The following SEMA5A variants were observed in gnomAD, a reference collection of about 807,000 sequenced individuals.
SEMA5A encodes the protein semaphorin-5A.
In SEMA5A, 55 loss-of-function variants were observed where a neutral mutation model predicts 135.5. The observed-to-expected ratio is 0.41, with a 90% CI of 0.33 to 0.51. The LOEUF (loss-of-function observed/expected upper bound fraction) is 0.51, where lower values mean the gene tolerates loss of function less well. SEMA5A is among the 20% of genes least tolerant of loss of function. SEMA5A has a pLI of 0.37. For synonymous variants in SEMA5A, 580 were observed against 546.5 expected, an observed-to-expected ratio of 1.06 and a Z score of -0.85; for missense variants, 1,290 against 1,419.9, an observed-to-expected ratio of 0.91 and a Z score of 1.47.
chr5:9,055,298 T>C (rs973006131), intron 18 of SEMA5A, among the ~76,000 whole-genome samples: 2 of 152,206 alleles, frequency 1.3e-5, no homozygotes, highest in South Asian at 2.1e-4. Context: ...CTACAGGACG[T>C]TGTCAAACAA....
At chr5:9,374,372 C>G (rs1755270403) in intron 3 of SEMA5A, among the ~76,000 whole-genome samples, 1 of 152,122 alleles carries the variant, frequency 6.6e-6, no homozygotes, top group Admixed American at 6.5e-5. Flanking sequence ...CCATCCAGTC[C>G]TTCATCAGTA....
chr5:9,142,617 G>A (rs1219646393), intron 12 of SEMA5A, among the ~76,000 whole-genome samples: 1 of 152,064 alleles, frequency 6.6e-6, no homozygotes, highest in Non-Finnish European at 1.5e-5. Flanking sequence ...CCATTCCTAA[G>A]TACCATGTTA....
At chr5:9,479,550 G>T (rs1348630135) in intron 1 of SEMA5A, among the ~76,000 whole-genome samples, 1 of 152,174 alleles carries the variant, frequency 6.6e-6, no homozygotes, top group African/African-American at 2.4e-5. Flanking sequence ...TACCCTGTAG[G>T]AATGTTGTGT....
chr5:9,309,974 C>G (rs1346410183), intron 5 of SEMA5A, among the ~76,000 whole-genome samples: 1 of 60,128 alleles, frequency 1.7e-5, no homozygotes, highest in Non-Finnish European at 4.6e-5. Flanking sequence ...TCAAGATCAA[C>G]TGGGGATCAT....
chr5:9,530,875 C>T (rs963817186), intron 1 of SEMA5A, among the ~76,000 whole-genome samples: 1 of 152,084 alleles, frequency 6.6e-6, no homozygotes, highest in Admixed American at 6.6e-5. Context: ...GGGAGAGAGG[C>T]GAGAATGTGC....
intron 13 of SEMA5A, among the ~76,000 whole-genome samples, chr5:9,128,937 G>T (rs1741258622): frequency 6.6e-6 from 1 of 152,160 alleles, no homozygotes; most frequent in Admixed American, 6.5e-5. Context: ...ACCCCCAGAT[G>T]TGACAACCCA....
intron 5 of SEMA5A, among the ~76,000 whole-genome samples, chr5:9,238,804 T>A (rs557502503): frequency 6.6e-6 from 1 of 152,222 alleles, no homozygotes; most frequent in South Asian, 2.1e-4. Flanking sequence ...ATTTTCTATT[T>A]TACTATTAAA....
chr5:9,106,075 T>C (rs1254441371), intron 16 of SEMA5A, among the ~76,000 whole-genome samples: 1 of 151,948 alleles, frequency 6.6e-6, no homozygotes, highest in Non-Finnish European at 1.5e-5. Flanking sequence ...AGAAGAAAAA[T>C]ATACTCCTAC....
At chr5:9,213,051 G>C (rs1286196386) in intron 8 of SEMA5A, among the ~76,000 whole-genome samples, 1 of 152,178 alleles carries the variant, frequency 6.6e-6, no homozygotes, top group Non-Finnish European at 1.5e-5. Flanking sequence ...CCTTCTCACT[G>C]TGTCCTCACA....
intron 1 of SEMA5A, among the ~76,000 whole-genome samples, chr5:9,473,993 C>T (rs1182409725): frequency 1.3e-5 from 2 of 152,098 alleles, no homozygotes; most frequent in Non-Finnish European, 2.9e-5. Flanking sequence ...GAATGGAATG[C>T]CCACTCCACA....
chr5:9,331,757 T>G (rs1753142617), intron 4 of SEMA5A, among the ~76,000 whole-genome samples: 1 of 152,244 alleles, frequency 6.6e-6, no homozygotes, highest in Non-Finnish European at 1.5e-5. Context: ...TTGTTAAAAT[T>G]TTAATGCACC....
intron 1 of SEMA5A, among the ~76,000 whole-genome samples, chr5:9,500,763 G>T (rs1297380143): frequency 1.3e-5 from 2 of 152,148 alleles, no homozygotes; most frequent in Non-Finnish European, 2.9e-5. Context: ...TTCAGGTTGT[G>T]GTCTGTGCCT....
intron 4 of SEMA5A, 133 bp from the exon 5 acceptor site, chr5:9,318,550 C>A: frequency 1.5e-6 from 1 of 686,476 alleles, no homozygotes; most frequent in South Asian, 2.0e-5. Context: ...ATATGTTCAG[C>A]ACTACTTTCC....
At chr5:9,124,996 G>A (rs966067904) in intron 13 of SEMA5A, among the ~76,000 whole-genome samples, 1 of 152,090 alleles carries the variant, frequency 6.6e-6, no homozygotes, top group Admixed American at 6.5e-5. Flanking sequence ...ATTCTCTTCG[G>A]GTTACAAACT....
intron 11 of SEMA5A, among the ~76,000 whole-genome samples, chr5:9,173,003 G>A (rs1391657898): frequency 6.6e-6 from 1 of 152,168 alleles, no homozygotes; most frequent in Admixed American, 6.5e-5. Flanking sequence ...CCAGAATCTG[G>A]TGATAAGTGT....
chr5:9,345,155 GA>G (rs1304472664), intron 3 of SEMA5A, among the ~76,000 whole-genome samples: 1 of 152,172 alleles, frequency 6.6e-6, no homozygotes, highest in Non-Finnish European at 1.5e-5. Flanking sequence ...CCCTGTTTCA[GA>G]AAGGTAGTGG....
chr5:9,093,525 G>A (rs1347537671), intron 16 of SEMA5A, among the ~76,000 whole-genome samples: 10 of 151,936 alleles, frequency 6.6e-5, no homozygotes, highest in African/African-American at 2.4e-4. Context: ...TGACGAATAT[G>A]GTGAAACCCC....
intron 2 of SEMA5A, among the ~76,000 whole-genome samples, chr5:9,395,765 G>A (rs140319895): frequency 6.6e-6 from 1 of 152,310 alleles, no homozygotes; most frequent in East Asian, 1.9e-4. Context: ...TTCTGGTTGA[G>A]TGAGTAGATG....
Position 9,123,253 on chromosome 5 carries a change from C to T in SEMA5A, c.1600-416G>A, listed in dbSNP as rs571223201. ...CAGCCTGAGGGAAGGAGCGAGACTCCGCCTCAAAAAAAAAAAAAAAAAAAA... is the reference window on the plus strand; with the variant it reads ...CAGCCTGAGGGAAGGAGCGAGACTCTGCCTCAAAAAAAAAAAAAAAAAAAA... On this transcript the variant is annotated intron_variant, in intron 13 of 22. Coordinates refer to ENST00000382496, the MANE Select transcript of SEMA5A (RefSeq NM_003966.3). Among the ~76,000 whole-genome samples the T allele has an allele frequency of 6.5e-3, 467 of 71,866 alleles. 3 individuals carry two copies. The highest frequency in any genetic ancestry group is 7.9e-3 in the Non-Finnish European group (309 of 39,282). 47.1% of individuals were successfully genotyped at this position (71,866 alleles called of 152,430 possible).
Sources: gnomAD v4.1 joint callset for allele counts (sites outside exome capture counted in the v4.1 genomes callset) on GRCh38, gnomAD v4.1.1 for gene constraint, MANE v1.5 for transcripts, NCBI Gene and HGNC (gene_info 2026-07-23, HGNC 2026-07-21) for gene names.